The following CHSY1 variants were observed in gnomAD, a reference collection of about 807,000 sequenced individuals.
CHSY1 encodes N-acetylgalactosaminyl-proteoglycan 3-beta-glucuronosyltransferase 1.
In CHSY1, 13 loss-of-function variants were observed where a neutral mutation model predicts 59.8. The ratio of observed to expected loss-of-function variants is 0.22; its 90% confidence interval spans 0.14 to 0.35. The LOEUF is 0.35. Among genes scored for constraint, CHSY1 ranks in the 10% least tolerant of loss-of-function variants. The pLI, the probability that CHSY1 is intolerant of heterozygous loss-of-function variation, is 1.00. For synonymous variants in CHSY1, 459 were observed against 401.2 expected (o/e 1.14, Z -1.72); for missense variants, 947 against 1,030.6 (o/e 0.92, Z 1.11).
At chr15:101,214,831 T>C (rs1310194478) in intron 2 of CHSY1, among the ~76,000 whole-genome samples, 1 of 104,358 alleles carries the variant, frequency 9.6e-6, no homozygotes, top group Non-Finnish European at 2.0e-5. Flanking sequence ...TTCTCATGCA[T>C]AGGTGGGAGG....
intron 2 of CHSY1, among the ~76,000 whole-genome samples, chr15:101,208,120 G>A (rs1359014013): frequency 6.6e-6 from 1 of 152,258 alleles, no homozygotes; most frequent in Non-Finnish European, 1.5e-5. Flanking sequence ...AGGGAGAGAA[G>A]AGGAAGAACC....
At chr15:101,218,208 C>T (rs530374209) in intron 2 of CHSY1, among the ~76,000 whole-genome samples, 1 of 152,260 alleles carries the variant, frequency 6.6e-6, no homozygotes, top group African/African-American at 2.4e-5. Flanking sequence ...ACAGGAGAAG[C>T]CTGGAGATAT....
intron 2 of CHSY1, among the ~76,000 whole-genome samples, chr15:101,190,208 A>G (rs1157079240): frequency 6.6e-6 from 1 of 151,978 alleles, no homozygotes; most frequent in East Asian, 1.9e-4. Context: ...GAGGGTAAGA[A>G]AAACACTGGA....
chr15:101,236,318 A>G (rs2038941880), intron 1 of CHSY1, among the ~76,000 whole-genome samples: 1 of 152,188 alleles, frequency 6.6e-6, no homozygotes, highest in Admixed American at 6.5e-5. Flanking sequence ...GGAGGGACCC[A>G]GGGGAAGGTA....
intron 2 of CHSY1, among the ~76,000 whole-genome samples, chr15:101,220,650 G>A (rs1190993888): frequency 2.0e-5 from 3 of 152,204 alleles, no homozygotes; most frequent in African/African-American, 7.2e-5. Context: ...TGGAAATGGA[G>A]GCTCGTCTGC....
rs1202885193 is a variant in CHSY1 at position 101,251,451 on chromosome 15, G to A, written c.6C>T (p.Ala2=). M[A]ARGRRAWLSV... ...TGAGCCAGGCGCGCCGGCCGCGCGC[G>A]GCCATGCCCGCGCCGCTCCGCCCGC... The change falls in exon 1 of 3, where the codon GCC becomes GCT. Residue 2 remains alanine, a synonymous_variant. Coordinates refer to ENST00000254190, the MANE Select transcript of CHSY1 (RefSeq NM_014918.5). 2.7e-5 allele frequency: 26 copies of A among 948,530 alleles called. No individual in the cohort carries two copies. Among genetic ancestry groups the A allele is most frequent in the Admixed American group, 1.3e-4 (2 of 15,274 alleles). The allele number at this position is 948,530 out of a possible 1,614,324, so 58.8% of individuals were successfully genotyped here. A position where few individuals can be genotyped will look rare whatever the true frequency, so the allele number is the denominator to read the frequency against.
intron 2 of CHSY1, among the ~76,000 whole-genome samples, chr15:101,221,259 C>T (rs1323215803): frequency 2.6e-5 from 4 of 152,222 alleles, no homozygotes; most frequent in South Asian, 4.1e-4. Flanking sequence ...TCTGGAAGGC[C>T]GAGGTGGGCG....
In CHSY1 at chr15:101,252,032, T is replaced by C. The variant is rs2039122191; in HGVS notation, c.-576A>G. On this transcript the variant is annotated 5_prime_UTR_variant, in exon 1 of 3. Coordinates refer to ENST00000254190, the MANE Select transcript of CHSY1 (RefSeq NM_014918.5). ...CTCGGGATCCGTCCGCGCCGCGCGA[T>C]TGGCGCAAAAGTGAATGAGGGGCGG... is the stretch of plus-strand genomic sequence containing the variant. 6.7e-6 allele frequency: 1 copy of C among 149,816 alleles called. No individual in the cohort carries two copies. Among genetic ancestry groups the C allele is most frequent in the South Asian group, 2.1e-4 (1 of 4,820 alleles). The allele number at this position is 149,816 out of a possible 1,614,324, so 9.3% of individuals were successfully genotyped here.
intron 2 of CHSY1, among the ~76,000 whole-genome samples, chr15:101,213,477 T>G (rs2038702511): frequency 2.0e-5 from 3 of 152,188 alleles, no homozygotes; most frequent in Non-Finnish European, 4.4e-5. Context: ...ACGGTACAAT[T>G]AAACCCAAGT....
intron 2 of CHSY1, among the ~76,000 whole-genome samples, chr15:101,229,407 A>G (rs1010931639): frequency 1.3e-5 from 2 of 152,214 alleles, no homozygotes; most frequent in Non-Finnish European, 2.9e-5. Context: ...AGAGAGCTGG[A>G]GTCATCATAC....
intron 2 of CHSY1, among the ~76,000 whole-genome samples, chr15:101,231,100 A>G (rs2038888644): frequency 6.6e-6 from 1 of 151,764 alleles, no homozygotes; most frequent in Non-Finnish European, 1.5e-5. Context: ...AGGGGACAGG[A>G]GCTAGGGATT....
intron 1 of CHSY1, among the ~76,000 whole-genome samples, chr15:101,235,913 A>G (rs7166401): frequency 0.31 from 47,012 of 151,970 alleles, 9,972 homozygotes; most frequent in African/African-American, 0.61. Flanking sequence ...GAACTTCTCA[A>G]CTCTATAAAA....
chr15:101,235,788 T>C (rs1019140100), intron 1 of CHSY1, among the ~76,000 whole-genome samples: 3 of 152,110 alleles, frequency 2.0e-5, no homozygotes, highest in Non-Finnish European at 2.9e-5. Flanking sequence ...AATGAAGAAG[T>C]GTTAAAACTG....
chr15:101,186,514 A>G (rs2038367403), intron 2 of CHSY1, among the ~76,000 whole-genome samples: 1 of 152,144 alleles, frequency 6.6e-6, no homozygotes, highest in African/African-American at 2.4e-5. Flanking sequence ...TCATTTATAA[A>G]ATGACTGGGC....
intron 1 of CHSY1, among the ~76,000 whole-genome samples, chr15:101,236,210 C>T (rs911154744): frequency 1.3e-5 from 2 of 152,172 alleles, no homozygotes; most frequent in East Asian, 1.9e-4. Context: ...GGCACGAGAG[C>T]GCTGTCATGA....
At chr15:101,227,184 AAC>A (rs1253586762) in intron 2 of CHSY1, among the ~76,000 whole-genome samples, 2 of 152,228 alleles carry the variant, frequency 1.3e-5, no homozygotes, top group Non-Finnish European at 2.9e-5. Context: ...CTTGAAAAAC[AAC>A]AGTCTACAAT....
intron 1 of CHSY1, among the ~76,000 whole-genome samples, chr15:101,241,047 T>C (rs2038996148): frequency 6.6e-6 from 1 of 152,178 alleles, no homozygotes; most frequent in Non-Finnish European, 1.5e-5. Flanking sequence ...ACCCCCAAAG[T>C]ATTCACCGTG....
intron 2 of CHSY1, among the ~76,000 whole-genome samples, chr15:101,189,877 T>C (rs2038422972): frequency 6.6e-6 from 1 of 152,264 alleles, no homozygotes; most frequent in Non-Finnish European, 1.5e-5. Flanking sequence ...AGTGGCGCTG[T>C]GGGCGGGGAG....
At chr15:101,202,154 T>G (rs1282516516) in intron 2 of CHSY1, among the ~76,000 whole-genome samples, 1 of 144,328 alleles carries the variant, frequency 6.9e-6, no homozygotes, top group Admixed American at 6.9e-5. Flanking sequence ...GGAGGGCATT[T>G]CTGCAGGGGG....
Sources: gnomAD v4.1 joint callset for allele counts (sites outside exome capture counted in the v4.1 genomes callset) on GRCh38, gnomAD v4.1.1 for gene constraint, MANE v1.5 for transcripts, NCBI Gene and HGNC (gene_info 2026-07-23, HGNC 2026-07-21) for gene names.